Variants in ZNF507 observed in about 807,000 individuals in gnomAD.
ZNF507 encodes the protein zinc finger protein 507.
A neutral mutation model predicts 80.0 loss-of-function variants in ZNF507; 29 were observed. The observed-to-expected ratio is 0.36, with a 90% CI of 0.27 to 0.49. ZNF507 has a LOEUF of 0.49. Ranked by LOEUF, ZNF507 falls within the 20% of genes least tolerant of loss-of-function variation. The pLI, the probability that ZNF507 is intolerant of heterozygous loss-of-function variation, is 0.98. For missense variants in ZNF507, 1,081 were observed against 1,152.2 expected (o/e 0.94, Z 0.90); for synonymous variants, 462 against 422.5 (o/e 1.09, Z -1.15).
chr19:32,354,796 A>T lies in ZNF507; in HGVS notation c.1966A>T (p.Ile656Phe), dbSNP rs1453322782. ...CHYTSGNKGY[I>F]KQHLRVHRQR... Reference sequence around the variant, plus strand: ...CTACACAAGTGGCAACAAGGGCTACATCAAGCAGCACTTACGAGTCCATCG... The same window carrying T: ...CTACACAAGTGGCAACAAGGGCTACTTCAAGCAGCACTTACGAGTCCATCG... Residue 656 changes from isoleucine (I) to phenylalanine (F), a missense_variant, in exon 3 of 7, where the codon ATC becomes TTC. This residue lies in a region of ZNF507 where 614 missense variants were observed against 583.9 expected (regional missense o/e 1.05). Coordinates refer to ENST00000355898, the MANE Select transcript of ZNF507 (RefSeq NM_001136156.2). 2.5e-6 allele frequency: 4 copies of T among 1,614,084 alleles called. No homozygotes were observed. In the South Asian group the frequency reaches 3.3e-5, roughly 13 times the overall value.
intron 4 of ZNF507, chr19:32,356,995 T>C (rs1164638633): frequency 2.2e-5 from 7 of 317,024 alleles, no homozygotes; most frequent in Non-Finnish European, 3.5e-5. Flanking sequence ...TAGAAGGTGA[T>C]GTACCAGCAA....
chr19:32,352,468 A>G (rs950519625), intron 2 of ZNF507, among the ~76,000 whole-genome samples: 63 of 106,630 alleles, frequency 5.9e-4, no homozygotes, highest in African/African-American at 1.9e-3. Flanking sequence ...ATCAAGGAAT[A>G]GGAGTCTTTT....
intron 1 of ZNF507, among the ~76,000 whole-genome samples, chr19:32,346,708 A>T (rs972698842): frequency 2.6e-5 from 4 of 152,224 alleles, no homozygotes; most frequent in African/African-American, 9.6e-5. Context: ...GAAACGAATA[A>T]GCATTTTTTT....
intron 5 of ZNF507, among the ~76,000 whole-genome samples, chr19:32,373,535 G>A (rs1231637860): frequency 6.6e-6 from 1 of 152,214 alleles, no homozygotes; most frequent in African/African-American, 2.4e-5. Flanking sequence ...CAAGTGGTCA[G>A]TTGTCCTTTC....
At position 32,387,279 on chromosome 19, in the gene ZNF507, A is replaced by G. The variant is rs565228103; in HGVS notation, c.*4196A>G. On this transcript the variant is annotated 3_prime_UTR_variant, in exon 7 of 7. Coordinates refer to ENST00000355898, the MANE Select transcript of ZNF507 (RefSeq NM_001136156.2). ...CACTCTGTCGTCTATACAGACAGCT[A>G]TTGACATATTTGTTGCATTGACGAA... is the stretch of plus-strand genomic sequence containing the variant. 11 of 152,330 alleles carry G rather than the reference A, an allele frequency of 7.2e-5. No homozygotes were observed. The South Asian group carries it at 2.1e-3, about 29-fold the overall frequency. 9.4% of individuals were successfully genotyped at this position (152,330 alleles called of 1,614,324 possible).
intron 5 of ZNF507, among the ~76,000 whole-genome samples, chr19:32,374,775 C>T (rs993129333): frequency 6.6e-6 from 1 of 152,206 alleles, no homozygotes; most frequent in African/African-American, 2.4e-5. Flanking sequence ...AGCCACCACA[C>T]TCGGCCTATA....
chr19:32,356,769 T>A (rs1266960583), intron 4 of ZNF507, 36 bp downstream of exon 4: 1 of 1,527,296 alleles, frequency 6.5e-7, no homozygotes, highest in Non-Finnish European at 9.1e-7. Context: ...CTGCAGTGAC[T>A]TGCACATGAC....
At chr19:32,371,643 ATT>A (rs111611184) in intron 5 of ZNF507, among the ~76,000 whole-genome samples, 1 of 92,668 alleles carries the variant, frequency 1.1e-5, no homozygotes, top group Non-Finnish European at 2.1e-5. Flanking sequence ...TATTATTATT[ATT>A]TTTTTTTTTT....
At chr19:32,352,075 A>T (rs1468506653) in intron 2 of ZNF507, among the ~76,000 whole-genome samples, 1 of 151,990 alleles carries the variant, frequency 6.6e-6, no homozygotes, top group African/African-American at 2.4e-5. Flanking sequence ...TTCAGGGAAA[A>T]AAAAAAAAAC....
At position 32,384,314 on chromosome 19, in the gene ZNF507, CAAAT is replaced by C. The variant is rs1967661424; in HGVS notation, c.*1233_*1236del. ...GTGCTTTAGCATTAAAACTCACCAT[CAAAT>C]AGATGTAATCTTATTAATTACACAT... On this transcript the variant is annotated 3_prime_UTR_variant, in exon 7 of 7. Transcript: ENST00000355898. 6.6e-6 allele frequency: 1 copy of C among 152,156 alleles called. No individual in the cohort carries two copies. The highest frequency in any genetic ancestry group is 2.4e-5 in the African/African-American group (1 of 41,434). 9.4% of individuals were successfully genotyped at this position (152,156 alleles called of 1,614,324 possible).
chr19:32,355,374 A>T (rs914140002), intron 3 of ZNF507, among the ~76,000 whole-genome samples: 6 of 152,246 alleles, frequency 3.9e-5, no homozygotes, highest in Admixed American at 2.6e-4. Context: ...AATGCCAGGC[A>T]TTCAGTTCAG....
chr19:32,371,558 T>A (rs1211936196), intron 5 of ZNF507, among the ~76,000 whole-genome samples: 1 of 150,860 alleles, frequency 6.6e-6, no homozygotes, highest in Admixed American at 6.6e-5. Flanking sequence ...GCAATTGAGG[T>A]GAGGCACACA....
intron 5 of ZNF507, among the ~76,000 whole-genome samples, chr19:32,377,253 C>T (rs1376951091): frequency 2.6e-5 from 4 of 152,102 alleles, no homozygotes; most frequent in Middle Eastern, 3.2e-3. Flanking sequence ...GACCATGGTC[C>T]GCTTGGCAAT....
chr19:32,364,564 G>T (rs542890393), intron 5 of ZNF507, among the ~76,000 whole-genome samples: 3 of 150,784 alleles, frequency 2.0e-5, no homozygotes, highest in East Asian at 3.9e-4. Flanking sequence ...TAGCTCCCAC[G>T]TATCAGTGAG....
chr19:32,354,543 G>A lies in ZNF507; in HGVS notation c.1713G>A (p.Arg571=). 6.2e-7 allele frequency: 1 copy of A among 1,614,170 alleles called. No homozygotes were observed. Among genetic ancestry groups the A allele is most frequent in the Non-Finnish European group, 8.5e-7 (1 of 1,180,026 alleles). ...NSTLVALPEG[R]QELSDGQVKT... is the part of the protein sequence containing the mutation. ...CCTTGGTAGCACTCCCAGAGGGTAG[G>A]CAGGAATTGTCAGATGGGCAGGTTA... Residue 571 remains arginine (R), a synonymous_variant, in exon 3 of 7, where the codon AGG becomes AGA. Transcript: ENST00000355898.
At chr19:32,378,639 CTT>C (rs573244402) in intron 5 of ZNF507, among the ~76,000 whole-genome samples, 4,127 of 92,456 alleles carry the variant, frequency 0.045, 88 homozygotes, top group Middle Eastern at 0.14. Flanking sequence ...AAATTAGAAG[CTT>C]TTTTTTTTTA....
intron 2 of ZNF507, among the ~76,000 whole-genome samples, chr19:32,350,137 A>G (rs563705921): frequency 6.6e-6 from 1 of 151,410 alleles, no homozygotes; most frequent in Non-Finnish European, 1.5e-5. Context: ...GTGAAAATTG[A>G]AAGAGTTGGC....
Position 32,382,484 on chromosome 19 carries a change from A to ATG in ZNF507, c.2384_2385dup (p.Ser796ValfsTer7). On this transcript the variant is annotated frameshift_variant, in exon 6 of 7. Transcript: ENST00000355898. LOFTEE classifies it high-confidence loss of function. ...TCTTCCAGATGCTCTCTGTGTGGGT[A>ATG]TGTGTGTAGCCATCCTCCTTCTTTG... 1 of 1,614,052 alleles carries ATG rather than the reference A, an allele frequency of 6.2e-7. No individual in the cohort carries two copies. The highest frequency in any genetic ancestry group is 2.2e-5 in the East Asian group (1 of 44,886).
chr19:32,363,379 C>T (rs879712547), intron 5 of ZNF507, among the ~76,000 whole-genome samples: 1 of 152,174 alleles, frequency 6.6e-6, no homozygotes, highest in Non-Finnish European at 1.5e-5. Context: ...TATTACATAA[C>T]AAGTTTTCTG....
Sources: allele counts gnomAD v4.1 joint callset (sites outside exome capture counted in the v4.1 genomes callset), GRCh38; gene constraint gnomAD v4.1.1; regional missense constraint gnomAD v4.1.1; transcripts MANE v1.5; gene names NCBI Gene and HGNC (gene_info 2026-07-23, HGNC 2026-07-21).